RAC3: variants seen among roughly 807,000 people sequenced by gnomAD.
RAC3 encodes the protein ras-related C3 botulinum toxin substrate 3.
Under a neutral mutation model 19.0 loss-of-function variants are expected in RAC3, and 9 were observed. The observed-to-expected ratio is 0.47, with a 90% CI of 0.29 to 0.83. The LOEUF (loss-of-function observed/expected upper bound fraction) is 0.83, where lower values mean the gene tolerates loss of function less well. Among genes scored for constraint, RAC3 ranks in the 40% least tolerant of loss-of-function variants. RAC3 has a pLI of 0.09. For missense variants in RAC3, 203 were observed against 260.8 expected, an observed-to-expected ratio of 0.78 and a Z score of 1.53; for synonymous variants, 146 against 111.8, an observed-to-expected ratio of 1.31 and a Z score of -1.93.
At chr17:82,032,226 T>TC in intron 1 of RAC3, 161 bp from the exon 2 acceptor site, 1 of 649,306 alleles carries the variant, frequency 1.5e-6, no homozygotes, top group Admixed American at 2.9e-5. Context: ...CCTGCCCAGG[T>TC]CGTCCTCCAG....
At position 82,033,075 on chromosome 17, in the gene RAC3, C is replaced by T. The variant is rs1013721455; in HGVS notation, c.288+66C>T. 9.4e-6 allele frequency: 14 copies of T among 1,495,778 alleles called. No homozygotes were observed. Among genetic ancestry groups the T allele is most frequent in the African/African-American group, 7.5e-5 (5 of 66,320 alleles). 92.7% of individuals were successfully genotyped at this position (1,495,778 alleles called of 1,614,324 possible). A position where few individuals can be genotyped will look rare whatever the true frequency, so the allele number is the denominator to read the frequency against. The stretch of plus-strand genomic sequence containing the variant: ...CCCAGTACCTGCCCCGACAAGTTGT[C>T]CTTTAGAGGCAATTGCGATACGGGT... On this transcript the variant is annotated intron_variant, in intron 4 of 5. Transcript: ENST00000306897. The surrounding 1 kb of genome is among the most constrained non-coding windows in gnomAD (Gnocchi z 6.2).
chr17:82,032,299 G>A (rs1490347221), intron 1 of RAC3, 88 bp from the exon 2 acceptor site: 44 of 1,355,234 alleles, frequency 3.2e-5, no homozygotes, highest in South Asian at 2.2e-4. Flanking sequence ...CCCCTAACTC[G>A]CCTCTGGCTC....
In RAC3 at chr17:82,033,083, G is replaced by C; in HGVS notation, c.288+74G>C. On this transcript the variant is annotated intron_variant, in intron 4 of 5. Coordinates refer to ENST00000306897, the MANE Select transcript of RAC3 (RefSeq NM_005052.3). This position sits in a 1 kb window ranked among gnomAD's most constrained non-coding sequence, Gnocchi z 6.2. ...CTGCCCCGACAAGTTGTCCTTTAGAGGCAATTGCGATACGGGTTCTGCCTG... is the reference window on the plus strand; with the variant it reads ...CTGCCCCGACAAGTTGTCCTTTAGACGCAATTGCGATACGGGTTCTGCCTG... 4.9e-6 allele frequency: 7 copies of C among 1,427,402 alleles called. No homozygotes were observed. The South Asian group carries it at 8.2e-5, about 17-fold the overall frequency. The allele number at this position is 1,427,402 out of a possible 1,614,324, so 88.4% of individuals were successfully genotyped here. A position where few individuals can be genotyped will look rare whatever the true frequency, so the allele number is the denominator to read the frequency against.
chr17:82,034,154 G>A lies in RAC3; in HGVS notation c.*325G>A, dbSNP rs916235563. Reference sequence around the variant, plus strand: ...GGGGGAGTTCTGTTCCTTGTGCCCCGAGGTGGGGCAGCCCCTTCTCATTTT... The same window carrying A: ...GGGGGAGTTCTGTTCCTTGTGCCCCAAGGTGGGGCAGCCCCTTCTCATTTT... On this transcript the variant is annotated 3_prime_UTR_variant, in exon 6 of 6. Coordinates refer to ENST00000306897, the MANE Select transcript of RAC3 (RefSeq NM_005052.3). 29 of 256,106 alleles carry A rather than the reference G, an allele frequency of 1.1e-4. No homozygotes were observed. The highest frequency in any genetic ancestry group is 4.7e-4 in the African/African-American group (21 of 44,796). The allele number at this position is 256,106 out of a possible 1,614,324, so 15.9% of individuals were successfully genotyped here.
chr17:82,032,655 G>A (rs2043442414), intron 2 of RAC3, 56 bp from the exon 3 acceptor site: 1 of 1,538,340 alleles, frequency 6.5e-7, no homozygotes, highest in African/African-American at 1.4e-5. Context: ...GGCCAGCAGG[G>A]CTGGGGGTTT....
chr17:82,032,577 T>C, intron 2 of RAC3, 119 bp downstream of exon 2: 1 of 1,447,540 alleles, frequency 6.9e-7, no homozygotes, highest in Non-Finnish European at 9.6e-7. Flanking sequence ...GTCTCTGGGC[T>C]TCCCGGCTGG....
In RAC3 at chr17:82,033,680, C is replaced by A. The variant is rs1401852793; in HGVS notation, c.449-19C>A. The A allele has an allele frequency of 2.5e-6, 4 of 1,610,086 alleles. No individual in the cohort carries two copies. In the South Asian group the frequency reaches 3.3e-5, roughly 13 times the overall value. On this transcript the variant is annotated intron_variant, in intron 5 of 5. Transcript: ENST00000306897. The surrounding 1 kb of genome is among the most constrained non-coding windows in gnomAD (Gnocchi z 6.2). ...CCCTGTACCCCACCCTCACTGTCTC[C>A]CCTCCTCACTGCCGCTAGGCTCTGT... is the stretch of plus-strand genomic sequence containing the variant.
chr17:82,033,736 G>T lies in RAC3; in HGVS notation c.486G>T (p.Gln162His). ...ACCTGGAGTGCTCAGCCCTGACCCA[G>T]CGGGGCCTGAAGACAGTGTTTGACG... ...VKYLECSALT[Q>H]RGLKTVFDEA... Residue 162 changes from glutamine to histidine, a missense_variant, in exon 6 of 6, where the codon CAG becomes CAT. Physicochemically the swap from Gln to His is conservative, Grantham distance 24. Around this residue, in one of 3 missense-constraint regions of RAC3, gnomAD observed 142 missense variants for 158.2 expected, o/e 0.90. Coordinates refer to ENST00000306897, the MANE Select transcript of RAC3 (RefSeq NM_005052.3). The surrounding 1 kb of genome is among the most constrained non-coding windows in gnomAD (Gnocchi z 6.2). The T allele has an allele frequency of 2.5e-6, 4 of 1,613,108 alleles. No individual in the cohort carries two copies. Among genetic ancestry groups the T allele is most frequent in the Non-Finnish European group, 3.4e-6 (4 of 1,179,870 alleles).
chr17:82,033,932 G>A lies in RAC3; in HGVS notation c.*103G>A. On this transcript the variant is annotated 3_prime_UTR_variant, in exon 6 of 6. Transcript: ENST00000306897. The surrounding 1 kb of genome is among the most constrained non-coding windows in gnomAD (Gnocchi z 6.2). Reference sequence around the variant, plus strand: ...GTCCCTGAGTCGGCTGTGGGGAGCGGTGGGGGTGGGCCGGGGGGAAGCATG... The same window carrying A: ...GTCCCTGAGTCGGCTGTGGGGAGCGATGGGGGTGGGCCGGGGGGAAGCATG... 7.0e-7 allele frequency: 1 copy of A among 1,422,904 alleles called. No homozygotes were observed. The highest frequency in any genetic ancestry group is 9.4e-7 in the Non-Finnish European group (1 of 1,063,716). 88.1% of individuals were successfully genotyped at this position (1,422,904 alleles called of 1,614,324 possible).
In RAC3 at chr17:82,031,684, G is replaced by A. The variant is rs1021457747; in HGVS notation, c.-78G>A. The stretch of plus-strand genomic sequence containing the variant: ...CTCCGGCCGATCGCTCGGCGCTCGG[G>A]TCCGCGGCCGCTGCGGCGCCGGGCA... On this transcript the variant is annotated 5_prime_UTR_variant, in exon 1 of 6. Coordinates refer to ENST00000306897, the MANE Select transcript of RAC3 (RefSeq NM_005052.3). 4.7e-5 allele frequency: 41 copies of A among 876,078 alleles called. No individual in the cohort carries two copies. Among genetic ancestry groups the A allele is most frequent in the Non-Finnish European group, 5.2e-5 (38 of 732,556 alleles). The allele number at this position is 876,078 out of a possible 1,614,324, so 54.3% of individuals were successfully genotyped here.
In RAC3 at chr17:82,033,730, G is replaced by A. The variant is rs761606094; in HGVS notation, c.480G>A (p.Leu160=). 60 of 1,612,936 alleles carry A rather than the reference G, an allele frequency of 3.7e-5. No individual in the cohort carries two copies. The South Asian group carries it at 6.6e-4, about 18-fold the overall frequency. The stretch of plus-strand genomic sequence containing the variant: ...TGAAATACCTGGAGTGCTCAGCCCT[G>A]ACCCAGCGGGGCCTGAAGACAGTGT... ...GSVKYLECSA[L]TQRGLKTVFD... The change falls in exon 6 of 6, where the codon CTG becomes CTA. Residue 160 remains leucine (L), a synonymous_variant. Transcript: ENST00000306897. The surrounding 1 kb of genome is among the most constrained non-coding windows in gnomAD (Gnocchi z 6.2).
At position 82,033,440 on chromosome 17, in the gene RAC3, T is replaced by A. The variant is rs747096762; in HGVS notation, c.289T>A (p.Trp97Arg). 1.9e-6 allele frequency: 3 copies of A among 1,599,828 alleles called. No homozygotes were observed. Among genetic ancestry groups the A allele is most frequent in the Non-Finnish European group, 1.7e-6 (2 of 1,173,424 alleles). ...PASFENVRAK[W>R]YPEVRHHCPH... Reference sequence around the variant, plus strand: ...GGGATCAGAGCGTCTGTCCCTGCAGTGGTACCCGGAGGTGCGGCACCACTG... The same window carrying A: ...GGGATCAGAGCGTCTGTCCCTGCAGAGGTACCCGGAGGTGCGGCACCACTG... The change falls in exon 5 of 6, where the codon TGG becomes AGG. Residue 97 changes from tryptophan to arginine, a missense_variant and splice_region_variant. Trp to Arg is a moderately radical substitution (Grantham distance 101). Transcript: ENST00000306897. The surrounding 1 kb of genome is among the most constrained non-coding windows in gnomAD (Gnocchi z 6.2).
In RAC3 at chr17:82,033,806, G is replaced by A; in HGVS notation, c.556G>A (p.Gly186Arg). 5.6e-6 allele frequency: 9 copies of A among 1,607,690 alleles called. No homozygotes were observed. Among genetic ancestry groups the A allele is most frequent in the Non-Finnish European group, 6.8e-6 (8 of 1,177,552 alleles). ...VLCPPPVKKPGKKCTVF is the reference protein window; with the variant it reads ...VLCPPPVKKPRKKCTVF ...CTGCCCGCCCCCAGTGAAGAAGCCG[G>A]GGAAGAAGTGCACCGTCTTCTAGAG... The change falls in exon 6 of 6, where the codon GGG (glycine) becomes AGG (arginine). Residue 186 changes from glycine to arginine, a missense_variant. Physicochemically the swap from Gly to Arg is moderately radical, Grantham distance 125 (BLOSUM62 -2). Coordinates refer to ENST00000306897, the MANE Select transcript of RAC3 (RefSeq NM_005052.3). The surrounding 1 kb of genome is among the most constrained non-coding windows in gnomAD (Gnocchi z 6.2).
Position 82,033,905 on chromosome 17 carries a change from G to A in RAC3, c.*76G>A. On this transcript the variant is annotated 3_prime_UTR_variant, in exon 6 of 6. Transcript: ENST00000306897. This position sits in a 1 kb window ranked among gnomAD's most constrained non-coding sequence, Gnocchi z 6.2. ...GTCCGCTGTTGTGTTGAGACGTGTG[G>A]TGTCCCTGAGTCGGCTGTGGGGAGC... is the stretch of plus-strand genomic sequence containing the variant. 1 of 1,499,914 alleles carries A rather than the reference G, an allele frequency of 6.7e-7. No homozygotes were observed. The highest frequency in any genetic ancestry group is 9.0e-7 in the Non-Finnish European group (1 of 1,117,098). The allele number at this position is 1,499,914 out of a possible 1,614,324, so 92.9% of individuals were successfully genotyped here. A position where few individuals can be genotyped will look rare whatever the true frequency, so the allele number is the denominator to read the frequency against.
At chr17:82,032,671 A>AC (rs960885888) in intron 2 of RAC3, 40 bp from the exon 3 acceptor site, 1 of 1,579,944 alleles carries the variant, frequency 6.3e-7, no homozygotes, top group Non-Finnish European at 8.7e-7. Flanking sequence ...GGTTTCTGGG[A>AC]CCCCTCCCAA....
Position 82,033,986 on chromosome 17 carries a change from C to G in RAC3, c.*157C>G. Reference sequence around the variant, plus strand: ...ATGAGGCTGGGTGGCAGGATCCTGTCCTCTCTGCCGCCTCATTCTGGGGTG... The same window carrying G: ...ATGAGGCTGGGTGGCAGGATCCTGTGCTCTCTGCCGCCTCATTCTGGGGTG... On this transcript the variant is annotated 3_prime_UTR_variant, in exon 6 of 6. Coordinates refer to ENST00000306897, the MANE Select transcript of RAC3 (RefSeq NM_005052.3). The surrounding 1 kb of genome is among the most constrained non-coding windows in gnomAD (Gnocchi z 6.2). 1.0e-6 allele frequency: 1 copy of G among 1,001,976 alleles called. No homozygotes were observed. Among genetic ancestry groups the G allele is most frequent in the East Asian group, 2.7e-5 (1 of 36,516 alleles). 62.1% of individuals were successfully genotyped at this position (1,001,976 alleles called of 1,614,324 possible). A position where few individuals can be genotyped will look rare whatever the true frequency, so the allele number is the denominator to read the frequency against.
At position 82,032,470 on chromosome 17, in the gene RAC3, G is replaced by T. The variant is rs1030252632; in HGVS notation, c.107+12G>T. On this transcript the variant is annotated intron_variant, in intron 2 of 5. Transcript: ENST00000306897. ...TACATCCCCACCGTGTGAGTGTGGG[G>T]GCTTCCCGGGAGAGCACAGGCCCTC... The T allele has an allele frequency of 1.9e-6, 3 of 1,612,416 alleles. No homozygotes were observed. Among genetic ancestry groups the T allele is most frequent in the Middle Eastern group, 1.6e-4 (1 of 6,080 alleles).
intron 3 of RAC3, 23 bp from the exon 4 acceptor site, chr17:82,032,924 C>T: frequency 6.2e-7 from 1 of 1,613,078 alleles, no homozygotes; most frequent in Non-Finnish European, 8.5e-7. Context: ...GACCACTCCA[C>T]CAGGTCCCAC....
rs979875843 is a variant in RAC3 at position 82,031,690 on chromosome 17, G to C, written c.-72G>C. 1.1e-6 allele frequency: 1 copy of C among 907,420 alleles called. No individual in the cohort carries two copies. The highest frequency in any genetic ancestry group is 4.9e-5 in the South Asian group (1 of 20,492). The allele number at this position is 907,420 out of a possible 1,614,324, so 56.2% of individuals were successfully genotyped here. A position where few individuals can be genotyped will look rare whatever the true frequency, so the allele number is the denominator to read the frequency against. Reference sequence around the variant, plus strand: ...CCGATCGCTCGGCGCTCGGGTCCGCGGCCGCTGCGGCGCCGGGCATTTCTC... The same window carrying C: ...CCGATCGCTCGGCGCTCGGGTCCGCCGCCGCTGCGGCGCCGGGCATTTCTC... On this transcript the variant is annotated 5_prime_UTR_variant, in exon 1 of 6. Coordinates refer to ENST00000306897, the MANE Select transcript of RAC3 (RefSeq NM_005052.3).
Sources: gnomAD v4.1 joint callset for allele counts on GRCh38, gnomAD v4.1.1 for gene constraint, gnomAD v4.1.1 regional missense constraint, Gnocchi (gnomAD v3.1) non-coding constraint, MANE v1.5 for transcripts, NCBI Gene and HGNC (gene_info 2026-07-23, HGNC 2026-07-21) for gene names.